Variants in SAMD13 observed in about 807,000 individuals in gnomAD.
SAMD13 encodes the protein sterile alpha motif domain-containing protein 13.
Under a neutral mutation model 12.4 loss-of-function variants are expected in SAMD13, and 9 were observed. The ratio of observed to expected loss-of-function variants is 0.72; its 90% CI spans 0.44 to 1.26. The LOEUF is 1.26. Ranked by LOEUF, SAMD13 falls within the 50% of genes most tolerant of loss-of-function variation. SAMD13 has a pLI of 0.00. For missense variants in SAMD13, 84 were observed against 119.6 expected, an observed-to-expected ratio of 0.70 and a Z score of 1.39; for synonymous variants, 46 against 45.4, an observed-to-expected ratio of 1.01 and a Z score of -0.05.
rs75583550 is a variant in SAMD13 at position 84,329,823 on chromosome 1, G to A, written c.165+4075G>A. On this transcript the variant is annotated intron_variant, in intron 3 of 3. Transcript: ENST00000394834. ...ACAAATAACCCAGTGTCAATAGCAC[G>A]TATGTTTTGGACAGTGATGTCGCTA... is the stretch of plus-strand genomic sequence containing the variant. Among the ~76,000 whole-genome samples, 574 of 152,298 alleles carry A rather than the reference G, an allele frequency of 3.8e-3. 5 individuals carry two copies. Among genetic ancestry groups the A allele is most frequent in the African/African-American group, 0.013 (544 of 41,562 alleles).
chr1:84,344,157 C>T (rs745950890), intron 3 of SAMD13, among the ~76,000 whole-genome samples: 28 of 151,668 alleles, frequency 1.8e-4, no homozygotes, highest in Non-Finnish European at 3.4e-4. Context: ...AGGAAATACT[C>T]ATGAAGTCAC....
rs983762465 is a variant in SAMD13, at chr1:84,350,550, C to T, written c.*776C>T. The T allele has an allele frequency of 3.3e-5, 5 of 152,230 alleles. No individual in the cohort carries two copies. The highest frequency in any genetic ancestry group is 1.2e-4 in the African/African-American group (5 of 41,320). The allele number at this position is 152,230 out of a possible 1,614,324, so 9.4% of individuals were successfully genotyped here. On this transcript the variant is annotated 3_prime_UTR_variant, in exon 4 of 4. Coordinates refer to ENST00000394834, the MANE Select transcript of SAMD13 (RefSeq NM_001134663.2). ...ATAATTTGTTTCTGAAGAAATTTGCCGAGAGTTACAGGTCAAAAAGCCTTG... is the reference window on the plus strand; with the variant it reads ...ATAATTTGTTTCTGAAGAAATTTGCTGAGAGTTACAGGTCAAAAAGCCTTG...
intron 3 of SAMD13, chr1:84,344,998 G>C (rs369220205): frequency 4.4e-6 from 2 of 456,708 alleles, no homozygotes; most frequent in Admixed American, 4.7e-5. Flanking sequence ...GGCCTTGTGG[G>C]TAAAGCCAGG....
chr1:84,325,667 T>G lies in SAMD13; in HGVS notation c.84T>G (p.Pro28=). The G allele has an allele frequency of 6.2e-7, 1 of 1,613,356 alleles. No individual in the cohort carries two copies. Among genetic ancestry groups the G allele is most frequent in the South Asian group, 1.1e-5 (1 of 91,060 alleles). Residue 28 remains proline (P), a synonymous_variant, in exon 3 of 4, where the codon CCT becomes CCG. Coordinates refer to ENST00000394834, the MANE Select transcript of SAMD13 (RefSeq NM_001134663.2). ...NSMENGRPPD[P]ADWAVMDVVN... is the part of the protein sequence containing the mutation. ...TGGAAAATGGGAGACCACCTGATCC[T>G]GCAGACTGGGCCGTGATGGATGTCG... is the stretch of plus-strand genomic sequence containing the variant.
At chr1:84,343,663 A>T (rs1464758684) in intron 3 of SAMD13, among the ~76,000 whole-genome samples, 1 of 152,128 alleles carries the variant, frequency 6.6e-6, no homozygotes, top group Non-Finnish European at 1.5e-5. Flanking sequence ...ATGAGAACAC[A>T]TCGACACAGG....
chr1:84,309,034 G>C (rs1378876667), intron 2 of SAMD13, among the ~76,000 whole-genome samples: 2 of 152,104 alleles, frequency 1.3e-5, no homozygotes. Context: ...ATATAGAGTT[G>C]TTGTGAGGAA....
At chr1:84,349,561 T>C in intron 3 of SAMD13, 70 bp from the exon 4 acceptor site, 1 of 1,548,762 alleles carries the variant, frequency 6.5e-7, no homozygotes, top group African/African-American at 1.4e-5. Flanking sequence ...ACCTCTGAAC[T>C]TCCTTTTGTC....
At chr1:84,314,163 T>A (rs954586923) in intron 2 of SAMD13, among the ~76,000 whole-genome samples, 1 of 152,078 alleles carries the variant, frequency 6.6e-6, no homozygotes, top group Non-Finnish European at 1.5e-5. Flanking sequence ...ACTTTTCATA[T>A]AACAATAATA....
At chr1:84,303,608 A>G (rs1678497297) in intron 2 of SAMD13, 1 of 188,938 alleles carries the variant, frequency 5.3e-6, no homozygotes, top group Admixed American at 5.4e-5. Flanking sequence ...TCCATAGACA[A>G]CACAGAATGG....
intron 1 of SAMD13, among the ~76,000 whole-genome samples, chr1:84,302,409 T>C (rs1252947696): frequency 6.6e-6 from 1 of 151,008 alleles, no homozygotes; most frequent in African/African-American, 2.4e-5. Flanking sequence ...ATATTAATTG[T>C]GGAAGGCTTT....
chr1:84,338,505 T>A (rs1272247402), intron 3 of SAMD13, among the ~76,000 whole-genome samples: 1 of 147,258 alleles, frequency 6.8e-6, no homozygotes, highest in South Asian at 2.2e-4. Context: ...TGGCGTGCTC[T>A]CAGCTCACTC....
At chr1:84,307,660 A>T (rs1268532054) in intron 2 of SAMD13, among the ~76,000 whole-genome samples, 2 of 152,186 alleles carry the variant, frequency 1.3e-5, no homozygotes, top group East Asian at 3.9e-4. Context: ...AATATGCTTG[A>T]TCTTTGCCCT....
At chr1:84,302,795 G>C in intron 1 of SAMD13, 6 of 423,336 alleles carry the variant, frequency 1.4e-5, no homozygotes, top group Non-Finnish European at 1.5e-5. Flanking sequence ...AACACAATAA[G>C]AAAAAACAAA....
At chr1:84,329,239 A>T (rs1444150246) in intron 3 of SAMD13, among the ~76,000 whole-genome samples, 1 of 152,004 alleles carries the variant, frequency 6.6e-6, no homozygotes, top group Non-Finnish European at 1.5e-5. Context: ...CTCACCAAGA[A>T]CCCAACCATG....
At chr1:84,337,006 T>C (rs935664253) in intron 3 of SAMD13, among the ~76,000 whole-genome samples, 8 of 152,342 alleles carry the variant, frequency 5.3e-5, no homozygotes, top group Middle Eastern at 3.4e-3. Context: ...TTTGACTCCA[T>C]GTCTCAAATC....
At chr1:84,328,785 GGTACATGCA>G (rs1360609271) in intron 3 of SAMD13, among the ~76,000 whole-genome samples, 1 of 152,078 alleles carries the variant, frequency 6.6e-6, no homozygotes, top group African/African-American at 2.4e-5. Context: ...GCCCTTCCAA[GGTACATGCA>G]GGTACATGCA....
chr1:84,312,383 C>T (rs1678734826), intron 2 of SAMD13, among the ~76,000 whole-genome samples: 1 of 151,534 alleles, frequency 6.6e-6, no homozygotes, highest in Non-Finnish European at 1.5e-5. Context: ...CCTCTCAATT[C>T]TGCTCTTTTT....
intron 3 of SAMD13, among the ~76,000 whole-genome samples, chr1:84,328,717 T>C (rs1011400889): frequency 9.2e-5 from 14 of 152,136 alleles, no homozygotes; most frequent in Non-Finnish European, 1.8e-4. Context: ...CCTAGTTGGT[T>C]AGCACCCACT....
At chr1:84,333,441 ATCTC>A (rs1007034112) in intron 3 of SAMD13, among the ~76,000 whole-genome samples, 2 of 152,100 alleles carry the variant, frequency 1.3e-5, no homozygotes, top group Non-Finnish European at 2.9e-5. Flanking sequence ...GGTTAGCTGT[ATCTC>A]TAGGTATTTT....
Sources: allele counts gnomAD v4.1 joint callset (sites outside exome capture counted in the v4.1 genomes callset), GRCh38; gene constraint gnomAD v4.1.1; transcripts MANE v1.5; gene names NCBI Gene and HGNC (gene_info 2026-07-23, HGNC 2026-07-21).